The following OPHN1 variants were observed in gnomAD, a reference collection of about 807,000 sequenced individuals.
OPHN1 encodes oligophrenin-1.
OPHN1 carries 11 observed loss-of-function variants against 60.7 expected under a neutral mutation model. The ratio of observed to expected loss-of-function variants is 0.18; its 90% CI spans 0.11 to 0.30. The LOEUF (loss-of-function observed/expected upper bound fraction) is 0.30, where lower values mean the gene tolerates loss of function less well. OPHN1 is among the 10% of genes least tolerant of loss of function. The pLI is 1.00. For synonymous variants in OPHN1, 226 were observed against 222.6 expected, an observed-to-expected ratio of 1.02 and a Z score of -0.14; for missense variants, 449 against 611.0, an observed-to-expected ratio of 0.73 and a Z score of 2.80.
At chrX:68,169,024 C>T (rs963982203) in intron 15 of OPHN1, among the ~76,000 whole-genome samples, 1 of 111,378 alleles carries the variant, frequency 9.0e-6, no homozygotes, top group Admixed American at 9.5e-5. Context: ...AGTTTACCAA[C>T]CAAAAAGAGT....
chrX:68,188,485 A>G (rs1157059441), intron 15 of OPHN1, among the ~76,000 whole-genome samples: 2 of 112,176 alleles, frequency 1.8e-5, no homozygotes, highest in East Asian at 5.6e-4. Flanking sequence ...AACCTATATA[A>G]AATCTATTTA....
At chrX:68,143,350 C>T (rs776642762) in intron 15 of OPHN1, among the ~76,000 whole-genome samples, 7 of 111,687 alleles carry the variant, frequency 6.3e-5, no homozygotes, top group Non-Finnish European at 1.1e-4. Context: ...TGAAACTATG[C>T]TTGGTGGTAA....
intron 2 of OPHN1, among the ~76,000 whole-genome samples, chrX:68,386,335 G>A (rs1437011788): frequency 9.0e-6 from 1 of 111,663 alleles, no homozygotes; most frequent in Non-Finnish European, 1.9e-5. Context: ...GATTTTTCTG[G>A]ACACAATTTA....
chrX:68,194,366 A>G, intron 13 of OPHN1, 99 bp downstream of exon 13: 1 of 710,997 alleles, frequency 1.4e-6, no homozygotes, highest in Admixed American at 2.2e-5. Flanking sequence ...CCATATTCAG[A>G]CTTGCGTTAG....
chrX:68,233,184 G>A (rs915833820), intron 6 of OPHN1, among the ~76,000 whole-genome samples: 5 of 111,348 alleles, frequency 4.5e-5, no homozygotes, highest in Admixed American at 9.6e-5. Flanking sequence ...TGCCTTGGCC[G>A]CCCAAAATGC....
chrX:68,223,682 C>T (rs1159819730), intron 6 of OPHN1, among the ~76,000 whole-genome samples: 4 of 111,005 alleles, frequency 3.6e-5, no homozygotes, highest in Non-Finnish European at 7.6e-5. Context: ...ACTTATACCC[C>T]TAAACCTATT....
intron 5 of OPHN1, among the ~76,000 whole-genome samples, chrX:68,268,447 A>G: frequency 8.9e-6 from 1 of 112,129 alleles, no homozygotes; most frequent in Middle Eastern, 4.6e-3. Flanking sequence ...TATGCAAATC[A>G]ATAAACGTAA....
intron 2 of OPHN1, among the ~76,000 whole-genome samples, chrX:68,409,946 T>C (rs894669105): frequency 9.0e-6 from 1 of 111,439 alleles, no homozygotes; most frequent in Non-Finnish European, 1.9e-5. Flanking sequence ...ATCTAATCAC[T>C]GTGTGAAGCA....
intron 4 of OPHN1, among the ~76,000 whole-genome samples, chrX:68,280,321 C>T (rs1348198655): frequency 9.0e-6 from 1 of 111,439 alleles, no homozygotes; most frequent in Non-Finnish European, 1.9e-5. Context: ...CTTTAAACAA[C>T]CATAAGAGAT....
At chrX:68,398,133 C>T (rs2078695339) in intron 2 of OPHN1, among the ~76,000 whole-genome samples, 1 of 111,527 alleles carries the variant, frequency 9.0e-6, no homozygotes, top group Non-Finnish European at 1.9e-5. Context: ...TGTCCCTTGC[C>T]TTTTATTTTT....
At chrX:68,214,684 A>G (rs1310317632) in intron 6 of OPHN1, among the ~76,000 whole-genome samples, 2 of 112,344 alleles carry the variant, frequency 1.8e-5, no homozygotes, top group Non-Finnish European at 3.8e-5. Flanking sequence ...AAATGTAGGT[A>G]AGGCAGACAT....
intron 19 of OPHN1, among the ~76,000 whole-genome samples, chrX:68,089,657 C>T (rs959548998): frequency 7.2e-5 from 8 of 111,608 alleles, no homozygotes; most frequent in East Asian, 2.8e-4. Context: ...TCTGAATCAT[C>T]GGCATAATTC....
intron 2 of OPHN1, among the ~76,000 whole-genome samples, chrX:68,395,780 C>A (rs1336220224): frequency 4.5e-5 from 5 of 110,732 alleles, no homozygotes; most frequent in Non-Finnish European, 7.6e-5. Flanking sequence ...GAAATGAGGT[C>A]TTACTATGTT....
chrX:68,134,223 G>A (rs2077209975), intron 15 of OPHN1, among the ~76,000 whole-genome samples: 1 of 111,353 alleles, frequency 9.0e-6, no homozygotes, highest in South Asian at 3.8e-4. Context: ...AAAATTGCTT[G>A]TTCTACAGAA....
intron 2 of OPHN1, among the ~76,000 whole-genome samples, chrX:68,321,309 G>A (rs2078234131): frequency 8.9e-6 from 1 of 111,805 alleles, no homozygotes; most frequent in Non-Finnish European, 1.9e-5. Context: ...TTTAGGAGTT[G>A]TATGTCAGGA....
At chrX:68,192,839 T>C (rs2077495146) in intron 15 of OPHN1, 80 bp downstream of exon 15, 2 of 799,176 alleles carry the variant, frequency 2.5e-6, no homozygotes, top group Non-Finnish European at 3.8e-6. Flanking sequence ...ATTTTAGCAG[T>C]GTCTCCTTTC....
At chrX:68,141,998 G>A (rs1326451491) in intron 15 of OPHN1, among the ~76,000 whole-genome samples, 2 of 111,742 alleles carry the variant, frequency 1.8e-5, no homozygotes, top group Non-Finnish European at 3.8e-5. Context: ...AGTCACAAAT[G>A]ACAGGGAGTT....
chrX:68,193,822 G>A, intron 14 of OPHN1, 68 bp downstream of exon 14: 1 of 944,089 alleles, frequency 1.1e-6, no homozygotes, highest in Non-Finnish European at 1.5e-6. Flanking sequence ...CTACTTCAGA[G>A]AAATTGCCCA....
chrX:68,166,089 G>T (rs183361443), intron 15 of OPHN1, among the ~76,000 whole-genome samples: 44 of 112,263 alleles, frequency 3.9e-4, no homozygotes, highest in African/African-American at 1.4e-3. Context: ...GGGGTTAGAA[G>T]ATTTAAATTT....
Sources: gnomAD v4.1 joint callset for allele counts (sites outside exome capture counted in the v4.1 genomes callset) on GRCh38, gnomAD v4.1.1 for gene constraint, MANE v1.5 for transcripts, NCBI Gene and HGNC (gene_info 2026-07-23, HGNC 2026-07-21) for gene names.